LDB2: variants seen among roughly 807,000 people sequenced by gnomAD.
LDB2 encodes the protein LIM domain binding 2.
LDB2 carries 12 observed loss-of-function variants against 44.3 expected under a neutral mutation model. The observed-to-expected ratio is 0.27, with a 90% CI of 0.17 to 0.44. The LOEUF is 0.44. LDB2 is among the 20% of genes least tolerant of loss of function. The pLI, the probability that LDB2 is intolerant of heterozygous loss-of-function variation, is 1.00. For synonymous variants in LDB2, 164 were observed against 174.8 expected (o/e 0.94, Z 0.49); for missense variants, 344 against 473.5 (o/e 0.73, Z 2.54).
chr4:16,557,781 C>G (rs1409955067), intron 5 of LDB2, among the ~76,000 whole-genome samples: 1 of 152,184 alleles, frequency 6.6e-6, no homozygotes, highest in Admixed American at 6.5e-5. Flanking sequence ...GTCCCTGACC[C>G]CTGACCCCTG....
At chr4:16,704,768 C>T (rs1392068763) in intron 2 of LDB2, among the ~76,000 whole-genome samples, 1 of 152,156 alleles carries the variant, frequency 6.6e-6, no homozygotes, top group African/African-American at 2.4e-5. Flanking sequence ...GACATAGATT[C>T]AAAACTCATA....
At chr4:16,574,145 C>T (rs1226865499) in intron 5 of LDB2, among the ~76,000 whole-genome samples, 1 of 152,150 alleles carries the variant, frequency 6.6e-6, no homozygotes, top group East Asian at 1.9e-4. Context: ...ATAACAATAA[C>T]AACAACGAAA....
intron 2 of LDB2, among the ~76,000 whole-genome samples, chr4:16,660,284 C>T (rs1222231464): frequency 6.6e-6 from 1 of 152,142 alleles, no homozygotes; most frequent in Non-Finnish European, 1.5e-5. Context: ...TTTGGGAAGG[C>T]TGAACACAAA....
At chr4:16,767,833 G>A (rs1332193356) in intron 1 of LDB2, among the ~76,000 whole-genome samples, 1 of 152,058 alleles carries the variant, frequency 6.6e-6, no homozygotes, top group Non-Finnish European at 1.5e-5. Context: ...CATCTCACAG[G>A]TGAACCCAAA....
At chr4:16,708,006 A>G (rs984599443) in intron 2 of LDB2, among the ~76,000 whole-genome samples, 2 of 152,202 alleles carry the variant, frequency 1.3e-5, no homozygotes, top group African/African-American at 2.4e-5. Context: ...AAACTGACAC[A>G]CAGTGACCTT....
chr4:16,724,819 G>C (rs533060104), intron 2 of LDB2, among the ~76,000 whole-genome samples: 1 of 152,258 alleles, frequency 6.6e-6, no homozygotes, highest in East Asian at 1.9e-4. Context: ...TCCGAAAGAA[G>C]TTTTCACAAG....
At chr4:16,654,373 A>G (rs1739157606) in intron 2 of LDB2, among the ~76,000 whole-genome samples, 1 of 152,166 alleles carries the variant, frequency 6.6e-6, no homozygotes, top group African/African-American at 2.4e-5. Context: ...AAGGCAGGGG[A>G]AAAATGATAA....
chr4:16,867,528 C>A (rs1030331448), intron 1 of LDB2, among the ~76,000 whole-genome samples: 3 of 152,062 alleles, frequency 2.0e-5, no homozygotes, highest in Non-Finnish European at 4.4e-5. Flanking sequence ...AAAACAGGAA[C>A]AACTAGAGAA....
At chr4:16,614,278 T>C (rs574608129) in intron 2 of LDB2, among the ~76,000 whole-genome samples, 1 of 152,256 alleles carries the variant, frequency 6.6e-6, no homozygotes, top group African/African-American at 2.4e-5. Context: ...TCAAGATTGA[T>C]TAAAGACTTA....
At chr4:16,673,874 T>C (rs1201194828) in intron 2 of LDB2, among the ~76,000 whole-genome samples, 1 of 152,192 alleles carries the variant, frequency 6.6e-6, no homozygotes, top group Non-Finnish European at 1.5e-5. Flanking sequence ...AAGGTGGGGA[T>C]ATAAATATCA....
chr4:16,829,931 C>G (rs1330748326), intron 1 of LDB2, among the ~76,000 whole-genome samples: 2 of 151,992 alleles, frequency 1.3e-5, no homozygotes, highest in Non-Finnish European at 2.9e-5. Context: ...ATGGTGAAAC[C>G]CTGTCTCTAC....
chr4:16,531,707 T>C (rs1730207723), intron 5 of LDB2, among the ~76,000 whole-genome samples: 1 of 152,220 alleles, frequency 6.6e-6, no homozygotes, highest in African/African-American at 2.4e-5. Context: ...AGAGAAATTA[T>C]CACTGTGTCA....
chr4:16,842,584 A>G (rs1786091135), intron 1 of LDB2, among the ~76,000 whole-genome samples: 1 of 152,236 alleles, frequency 6.6e-6, no homozygotes, highest in South Asian at 2.1e-4. Flanking sequence ...TGATCTTTGA[A>G]TGGAAATTTA....
chr4:16,671,062 T>G (rs1347208201), intron 2 of LDB2, among the ~76,000 whole-genome samples: 3 of 151,152 alleles, frequency 2.0e-5, no homozygotes, highest in African/African-American at 7.3e-5. Context: ...TGGATGATAT[T>G]ATTACTCAAG....
At chr4:16,681,388 A>T (rs1747804028) in intron 2 of LDB2, among the ~76,000 whole-genome samples, 1 of 152,266 alleles carries the variant, frequency 6.6e-6, no homozygotes, top group Middle Eastern at 3.4e-3. Context: ...AATAGCCCCA[A>T]GACCCTACAG....
At chr4:16,806,976 G>A (rs1169405420) in intron 1 of LDB2, among the ~76,000 whole-genome samples, 1 of 152,160 alleles carries the variant, frequency 6.6e-6, no homozygotes, top group Non-Finnish European at 1.5e-5. Flanking sequence ...ATTATTAGTA[G>A]TATTTTTGCG....
intron 5 of LDB2, among the ~76,000 whole-genome samples, chr4:16,523,722 G>A (rs1727146801): frequency 6.6e-6 from 1 of 152,008 alleles, no homozygotes; most frequent in African/African-American, 2.4e-5. Context: ...ATTGAACAAA[G>A]GGATGATTCA....
At chr4:16,651,358 T>C (rs576395819) in intron 2 of LDB2, 8 of 152,368 alleles carry the variant, frequency 5.3e-5, no homozygotes, top group South Asian at 4.1e-4. Context: ...TTGGTTTTAC[T>C]TAATTCATTA....
intron 1 of LDB2, among the ~76,000 whole-genome samples, chr4:16,836,572 C>CAGAGG (rs1487324055): frequency 6.6e-6 from 1 of 152,178 alleles, no homozygotes; most frequent in African/African-American, 2.4e-5. Flanking sequence ...ACTGCTCAGA[C>CAGAGG]AGAGGCCAAC....
Sources: allele counts gnomAD v4.1 joint callset (sites outside exome capture counted in the v4.1 genomes callset), GRCh38; gene constraint gnomAD v4.1.1; transcripts MANE v1.5; gene names NCBI Gene and HGNC (gene_info 2026-07-23, HGNC 2026-07-21).